The following SDK1 variants were observed in gnomAD, a reference collection of about 807,000 sequenced individuals.
The protein encoded by SDK1 is sidekick cell adhesion molecule 1.
In SDK1, 157 loss-of-function variants were observed where a neutral mutation model predicts 245.5. The observed-to-expected ratio is 0.64, with a 90% CI of 0.56 to 0.73. The LOEUF is 0.73. Ranked by LOEUF, SDK1 falls within the 30% of genes least tolerant of loss-of-function variation. SDK1 has a pLI of 0.00. For missense variants in SDK1, 3,583 were observed against 3,002.3 expected (o/e 1.19, Z -4.52); for synonymous variants, 1,647 against 1,278.5 (o/e 1.29, Z -6.15).
At chr7:3,367,165 T>A (rs1236890119) in intron 1 of SDK1, among the ~76,000 whole-genome samples, 3 of 151,772 alleles carry the variant, frequency 2.0e-5, no homozygotes, top group East Asian at 3.9e-4. Context: ...ATTTATTTAT[T>A]TATTTTTATT....
chr7:4,200,044 G>C (rs376795276), intron 35 of SDK1, among the ~76,000 whole-genome samples: 2 of 152,134 alleles, frequency 1.3e-5, no homozygotes, highest in African/African-American at 4.8e-5. Context: ...GCAGTGAGCC[G>C]AGACTGTGCC....
chr7:4,140,293 A>G (rs1248899681), intron 28 of SDK1, among the ~76,000 whole-genome samples: 3 of 151,298 alleles, frequency 2.0e-5, no homozygotes, highest in Admixed American at 2.0e-4. Flanking sequence ...TCCTGATGTT[A>G]CTCCCCAAGG....
chr7:3,790,641 C>T (rs1457848720), intron 4 of SDK1, among the ~76,000 whole-genome samples: 1 of 152,120 alleles, frequency 6.6e-6, no homozygotes, highest in East Asian at 1.9e-4. Flanking sequence ...AACCCCATCT[C>T]ACTAAAAATA....
chr7:3,609,311 A>G (rs545108682), intron 1 of SDK1, among the ~76,000 whole-genome samples: 3 of 152,282 alleles, frequency 2.0e-5, no homozygotes, highest in Non-Finnish European at 2.9e-5. Context: ...AGTTGGTGCT[A>G]TTGCTTTGTT....
At chr7:3,409,782 G>A (rs1178341214) in intron 1 of SDK1, among the ~76,000 whole-genome samples, 1 of 152,164 alleles carries the variant, frequency 6.6e-6, no homozygotes, top group Non-Finnish European at 1.5e-5. Flanking sequence ...GTGGGGTGGA[G>A]GGGATTGAGG....
intron 25 of SDK1, among the ~76,000 whole-genome samples, chr7:4,125,150 TTATG>T (rs1158098076): frequency 1.7e-5 from 2 of 115,184 alleles, no homozygotes; most frequent in African/African-American, 6.9e-5. Context: ...AATGATCGAT[TTATG>T]GATGGATGGA....
intron 1 of SDK1, among the ~76,000 whole-genome samples, chr7:3,562,888 G>GGAAGCAAATCCTTAAATATGAAGA (rs1779790972): frequency 6.6e-6 from 1 of 151,672 alleles, no homozygotes; most frequent in Non-Finnish European, 1.5e-5. Context: ...AAATATGAAG[G>GGAAGCAAATCCTTAAATATGAAGA]GAAGCAAATA....
chr7:3,433,031 C>A (rs1239152272), intron 1 of SDK1, among the ~76,000 whole-genome samples: 1 of 152,090 alleles, frequency 6.6e-6, no homozygotes, highest in African/African-American at 2.4e-5. Flanking sequence ...CGCAGTTTTT[C>A]ATTCATTTTA....
At chr7:4,147,556 C>T (rs1780061646) in intron 29 of SDK1, among the ~76,000 whole-genome samples, 1 of 152,192 alleles carries the variant, frequency 6.6e-6, no homozygotes, top group African/African-American at 2.4e-5. Context: ...GTGTGAGCCC[C>T]TGCCTTTGGT....
At position 3,732,681 on chromosome 7, in the gene SDK1, G is replaced by A. The variant is rs186137598; in HGVS notation, c.714-88769G>A. ...TCTCCTTCATTCCTTTAACTGAGGCGCTGAAATGTCTAGCCACACATTTAA... is the reference window on the plus strand; with the variant it reads ...TCTCCTTCATTCCTTTAACTGAGGCACTGAAATGTCTAGCCACACATTTAA... On this transcript the variant is annotated intron_variant, in intron 4 of 44. Transcript: ENST00000404826. Among the ~76,000 whole-genome samples the A allele has an allele frequency of 1.9e-3, 291 of 152,324 alleles. 1 individual carries two copies. The highest frequency in any genetic ancestry group is 6.7e-3 in the African/African-American group (277 of 41,556).
At chr7:3,343,563 A>G (rs969745980) in intron 1 of SDK1, among the ~76,000 whole-genome samples, 1 of 152,152 alleles carries the variant, frequency 6.6e-6, no homozygotes, top group African/African-American at 2.4e-5. Context: ...TGGTGGTGGA[A>G]ATACTCTATC....
intron 25 of SDK1, among the ~76,000 whole-genome samples, chr7:4,116,633 C>T (rs940803382): frequency 1.3e-5 from 2 of 152,356 alleles, no homozygotes; most frequent in Non-Finnish European, 2.9e-5. Flanking sequence ...CAGCCACCAG[C>T]ACCAAGCCAA....
chr7:3,984,843 A>G (rs1358511590), intron 13 of SDK1, among the ~76,000 whole-genome samples: 1 of 152,180 alleles, frequency 6.6e-6, no homozygotes, highest in Non-Finnish European at 1.5e-5. Flanking sequence ...CCAATGTCAA[A>G]AAGACATCCC....
At chr7:4,018,149 C>T (rs1481284514) in intron 17 of SDK1, among the ~76,000 whole-genome samples, 1 of 152,226 alleles carries the variant, frequency 6.6e-6, no homozygotes, top group Non-Finnish European at 1.5e-5. Flanking sequence ...AGTAATTTTT[C>T]TACTGAGTCT....
intron 1 of SDK1, among the ~76,000 whole-genome samples, chr7:3,579,331 T>G (rs1419842120): frequency 3.3e-5 from 5 of 152,176 alleles, no homozygotes; most frequent in Non-Finnish European, 7.4e-5. Flanking sequence ...TCCACCATGA[T>G]CAGGTAGGCG....
At chr7:3,785,555 C>T (rs368881119) in intron 4 of SDK1, among the ~76,000 whole-genome samples, 1 of 151,950 alleles carries the variant, frequency 6.6e-6, no homozygotes, top group African/African-American at 2.4e-5. Context: ...AAACAGAAGA[C>T]AAAATATAAG....
At chr7:4,185,457 T>C (rs1359847170) in intron 35 of SDK1, among the ~76,000 whole-genome samples, 1 of 152,158 alleles carries the variant, frequency 6.6e-6, no homozygotes, top group African/African-American at 2.4e-5. Flanking sequence ...CTGCCTGTAT[T>C]TCCAGAGCCC....
Position 3,857,774 on chromosome 7 carries a change from A to T in SDK1, c.847+36191A>T, listed in dbSNP as rs530817720. ...TGAAGGGTGGCTAGATAGAAGATAGATATGGAAAAATTCTTTTTCCTGTTC... is the reference window on the plus strand; with the variant it reads ...TGAAGGGTGGCTAGATAGAAGATAGTTATGGAAAAATTCTTTTTCCTGTTC... On this transcript the variant is annotated intron_variant, in intron 5 of 44. Transcript: ENST00000404826. Among the ~76,000 whole-genome samples the T allele has an allele frequency of 1.1e-3, 162 of 152,314 alleles. 1 individual carries two copies. Among genetic ancestry groups the T allele is most frequent in the African/African-American group, 3.6e-3 (151 of 41,584 alleles).
intron 20 of SDK1, among the ~76,000 whole-genome samples, chr7:4,073,132 G>C (rs144911796): frequency 6.6e-6 from 1 of 152,272 alleles, no homozygotes; most frequent in Middle Eastern, 3.4e-3. Flanking sequence ...GATGCCAAGC[G>C]GGAGGTACCC....
Sources: allele counts gnomAD v4.1 joint callset (sites outside exome capture counted in the v4.1 genomes callset), GRCh38; gene constraint gnomAD v4.1.1; transcripts MANE v1.5; gene names NCBI Gene and HGNC (gene_info 2026-07-23, HGNC 2026-07-21).